Variants in TENM2 observed in about 807,000 individuals in gnomAD.
The protein encoded by TENM2 is teneurin-2.
A neutral mutation model predicts 245.2 loss-of-function variants in TENM2; 52 were observed. The observed-to-expected ratio is 0.21, with a 90% CI of 0.17 to 0.27. The LOEUF (loss-of-function observed/expected upper bound fraction) is 0.27. Ranked by LOEUF, TENM2 falls within the 10% of genes least tolerant of loss-of-function variation. The probability of loss-of-function intolerance (pLI) is 1.00; values close to 1 mark genes in which losing one functional copy is unlikely to be tolerated. For synonymous variants in TENM2, 1,363 were observed against 1,438.9 expected (o/e 0.95, Z 1.19); for missense variants, 3,046 against 3,666.8 (o/e 0.83, Z 4.37).
chr5:168,162,361 C>A (rs982697334), intron 12 of TENM2, among the ~76,000 whole-genome samples: 4 of 152,250 alleles, frequency 2.6e-5, no homozygotes, highest in Non-Finnish European at 5.9e-5. Flanking sequence ...GCATTGAACT[C>A]CCCGCTTTGG....
At chr5:167,265,264 G>A in the TENM2 span, among the ~76,000 whole-genome samples, 1 of 149,074 alleles carries the variant, frequency 6.7e-6, no homozygotes, top group Non-Finnish European at 1.5e-5. Context: ...CCCAGGAGGT[G>A]GAGGTTTCAG....
At chr5:167,218,394 TTA>T in the TENM2 span, among the ~76,000 whole-genome samples, 5 of 152,202 alleles carry the variant, frequency 3.3e-5, no homozygotes, top group Admixed American at 2.6e-4. Context: ...TCCTGGTTGC[TTA>T]TTTCTACACT....
chr5:167,810,981 T>C (rs1378251809), intron 2 of TENM2, among the ~76,000 whole-genome samples: 7 of 152,150 alleles, frequency 4.6e-5, no homozygotes, highest in Non-Finnish European at 1.0e-4. Flanking sequence ...TGGTACATAA[T>C]GCAACCAGAC....
chr5:167,842,263 C>G (rs1344779023), intron 2 of TENM2, among the ~76,000 whole-genome samples: 1 of 150,798 alleles, frequency 6.6e-6, no homozygotes, highest in African/African-American at 2.4e-5. Flanking sequence ...TGATTAAAAA[C>G]AAAAACAAAA....
rs556485173 is a variant in TENM2, at chr5:168,262,849, G to C, written c.*39G>C. ...TGCCATTCCTTGTCTGAATGGCTCA[G>C]CAGGAGTAACTGTTATCTCCTCTCC... is the stretch of plus-strand genomic sequence containing the variant. On this transcript the variant is annotated 3_prime_UTR_variant, in exon 29 of 29. Coordinates refer to ENST00000518659, the Ensembl canonical transcript of TENM2. 2.6e-5 allele frequency: 40 copies of C among 1,531,722 alleles called. No homozygotes were observed. In the South Asian group the frequency reaches 5.0e-4, roughly 19 times the overall value. The allele number at this position is 1,531,722 out of a possible 1,614,324, so 94.9% of individuals were successfully genotyped here.
intron 2 of TENM2, among the ~76,000 whole-genome samples, chr5:167,858,551 G>C (rs968151585): frequency 6.6e-6 from 1 of 152,100 alleles, no homozygotes; most frequent in African/African-American, 2.4e-5. Flanking sequence ...GAGAAGGCTC[G>C]AAGGCGCCGC....
the TENM2 span, among the ~76,000 whole-genome samples, chr5:167,087,688 A>G: frequency 6.8e-3 from 1,028 of 152,282 alleles, 9 homozygotes; most frequent in African/African-American, 0.023. Flanking sequence ...ATAAAGTAGT[A>G]GGAGTTCATG....
chr5:167,679,954 GA>G (rs1756590031), intron 2 of TENM2, among the ~76,000 whole-genome samples: 1 of 152,004 alleles, frequency 6.6e-6, no homozygotes, highest in African/African-American at 2.4e-5. Context: ...ATTTTTAAGT[GA>G]ACACACTTTT....
intron 2 of TENM2, among the ~76,000 whole-genome samples, chr5:167,559,850 T>C (rs2127638382): frequency 6.6e-6 from 1 of 152,360 alleles, no homozygotes; most frequent in South Asian, 2.1e-4. Flanking sequence ...TTCAAATTAA[T>C]ATCTGTCCTT....
At chr5:168,049,383 A>G (rs771888639) in intron 6 of TENM2, among the ~76,000 whole-genome samples, 1 of 152,236 alleles carries the variant, frequency 6.6e-6, no homozygotes. Flanking sequence ...TGTGAAATGA[A>G]TATGCATATT....
intron 2 of TENM2, among the ~76,000 whole-genome samples, chr5:167,695,002 C>T (rs1302817154): frequency 6.6e-6 from 1 of 152,208 alleles, no homozygotes; most frequent in Non-Finnish European, 1.5e-5. Context: ...AGACAACATT[C>T]ATCTACTCTT....
intron 2 of TENM2, among the ~76,000 whole-genome samples, chr5:167,812,682 GTA>G (rs1186554830): frequency 3.3e-5 from 5 of 152,184 alleles, no homozygotes; most frequent in Non-Finnish European, 7.4e-5. Flanking sequence ...GCAGCAGACA[GTA>G]ACTCCTTCTT....
chr5:167,595,532 T>C (rs1776144499), intron 2 of TENM2, among the ~76,000 whole-genome samples: 1 of 152,260 alleles, frequency 6.6e-6, no homozygotes, highest in Admixed American at 6.5e-5. Context: ...TTCAATCCAA[T>C]TACTTTCTCA....
At chr5:167,506,098 C>T (rs549295259) in intron 2 of TENM2, among the ~76,000 whole-genome samples, 4 of 152,218 alleles carry the variant, frequency 2.6e-5, no homozygotes, top group Non-Finnish European at 5.9e-5. Flanking sequence ...GAAGAGCCTT[C>T]CAGGCACAGA....
chr5:168,003,023 C>A (rs1374210565), intron 5 of TENM2, among the ~76,000 whole-genome samples: 2 of 152,128 alleles, frequency 1.3e-5, no homozygotes, highest in Non-Finnish European at 2.9e-5. Flanking sequence ...CATCTCCTGT[C>A]CTGGTGTTAA....
chr5:167,115,380 T>G, the TENM2 span, among the ~76,000 whole-genome samples: 1 of 152,362 alleles, frequency 6.6e-6, no homozygotes, highest in Middle Eastern at 3.4e-3. Flanking sequence ...TTGTGTGCAT[T>G]TATTCTTGAT....
chr5:167,938,759 A>T (rs1459244667), intron 3 of TENM2: 4 of 152,208 alleles, frequency 2.6e-5, no homozygotes, highest in Non-Finnish European at 5.9e-5. Flanking sequence ...CTTGGCTAAC[A>T]TGGTGAAACC....
At chr5:167,298,230 G>A (rs1043522721) in intron 1 of TENM2, among the ~76,000 whole-genome samples, 22 of 152,098 alleles carry the variant, frequency 1.4e-4, no homozygotes, top group African/African-American at 4.3e-4. Flanking sequence ...GGTAAGGGGT[G>A]ATATTGTGGG....
chr5:167,063,198 C>A, the TENM2 span, among the ~76,000 whole-genome samples: 1 of 152,156 alleles, frequency 6.6e-6, no homozygotes, highest in Non-Finnish European at 1.5e-5. Flanking sequence ...CACGTGTTGA[C>A]TCTCCAGAGA....
Sources: allele counts gnomAD v4.1 joint callset (sites outside exome capture counted in the v4.1 genomes callset), GRCh38; gene constraint gnomAD v4.1.1; transcripts MANE v1.5; gene names NCBI Gene and HGNC (gene_info 2026-07-23, HGNC 2026-07-21).